LOC128462377: variants seen among roughly 807,000 people sequenced by gnomAD.
the LOC128462377 span, among the ~76,000 whole-genome samples, chr16:89,363,924 T>A: frequency 8.5e-5 from 13 of 152,190 alleles, no homozygotes; most frequent in East Asian, 2.5e-3. Context: ...CCAGGTATGA[T>A]GGCATACATG....
chr16:89,370,072 AC>A, the LOC128462377 span, among the ~76,000 whole-genome samples: 1 of 152,200 alleles, frequency 6.6e-6, no homozygotes, highest in Admixed American at 6.5e-5. Flanking sequence ...CAGAGCTCTC[AC>A]TGAGGAAGAA....
At chr16:89,366,291 C>T in the LOC128462377 span, among the ~76,000 whole-genome samples, 1 of 152,138 alleles carries the variant, frequency 6.6e-6, no homozygotes, top group Non-Finnish European at 1.5e-5. Context: ...AATGGACATT[C>T]GCCCGCATGT....
the LOC128462377 span, among the ~76,000 whole-genome samples, chr16:89,384,246 C>G: frequency 1.3e-5 from 2 of 152,098 alleles, no homozygotes; most frequent in Non-Finnish European, 2.9e-5. Flanking sequence ...AAACATTTCT[C>G]AAGGCTGGGC....
chr16:89,406,900 C>T, the LOC128462377 span, among the ~76,000 whole-genome samples: 1 of 152,152 alleles, frequency 6.6e-6, no homozygotes, highest in Non-Finnish European at 1.5e-5. Context: ...AACATCAGGC[C>T]GGACGTGGTG....
chr16:89,337,429 C>CTTTTTTTTTTTTTTTTTT, the LOC128462377 span, among the ~76,000 whole-genome samples: 8 of 53,134 alleles, frequency 1.5e-4, 2 homozygotes, highest in Non-Finnish European at 2.5e-4. Context: ...CTAAGCAATT[C>CTTTTTTTTTTTTTTTTTT]TTTTTTTTTT....
chr16:89,347,762 C>A, the LOC128462377 span, among the ~76,000 whole-genome samples: 1 of 152,170 alleles, frequency 6.6e-6, no homozygotes, highest in South Asian at 2.1e-4. Flanking sequence ...AAAGAGATGA[C>A]CACAAACATC....
chr16:89,375,232 A>G, the LOC128462377 span, among the ~76,000 whole-genome samples: 12 of 152,242 alleles, frequency 7.9e-5, no homozygotes, highest in South Asian at 1.4e-3. Context: ...ACCGTGTGAC[A>G]CTAATCGTCT....
At chr16:89,349,266 C>T in the LOC128462377 span, among the ~76,000 whole-genome samples, 4 of 151,364 alleles carry the variant, frequency 2.6e-5, no homozygotes, top group African/African-American at 2.4e-5. Flanking sequence ...CAGTGGCTCA[C>T]GCCTGTAATC....
At chr16:89,319,859 G>C in the LOC128462377 span, 1 of 152,558 alleles carries the variant, frequency 6.6e-6, no homozygotes, top group Non-Finnish European at 1.5e-5. Context: ...CTTTTGTTCT[G>C]TTCCAAGACT....
chr16:89,390,079 C>T, the LOC128462377 span, among the ~76,000 whole-genome samples: 3 of 57,230 alleles, frequency 5.2e-5, 1 homozygote, highest in African/African-American at 4.3e-4. Context: ...CCGAGTGTGG[C>T]GGGGAGCACA....
chr16:89,321,527 T>C, the LOC128462377 span, among the ~76,000 whole-genome samples: 2 of 151,954 alleles, frequency 1.3e-5, no homozygotes, highest in Non-Finnish European at 2.9e-5. Context: ...GGAGCACTCC[T>C]TGCCAGAGGC....
the LOC128462377 span, among the ~76,000 whole-genome samples, chr16:89,389,484 A>G: frequency 6.6e-6 from 1 of 152,232 alleles, no homozygotes; most frequent in Admixed American, 6.5e-5. Context: ...AGATGGAGAC[A>G]TGAAATCGTG....
the LOC128462377 span, among the ~76,000 whole-genome samples, chr16:89,339,556 A>C: frequency 6.6e-6 from 1 of 152,216 alleles, no homozygotes; most frequent in East Asian, 1.9e-4. Flanking sequence ...CCCTCAATTT[A>C]TTTAGAATGG....
chr16:89,381,354 A>AGG, the LOC128462377 span, among the ~76,000 whole-genome samples: 4 of 125,332 alleles, frequency 3.2e-5, no homozygotes, highest in African/African-American at 9.9e-5. Flanking sequence ...AAAAAAAAAA[A>AGG]GGGGTGAGAA....
At chr16:89,369,607 G>A in the LOC128462377 span, among the ~76,000 whole-genome samples, 22 of 152,206 alleles carry the variant, frequency 1.4e-4, no homozygotes, top group Admixed American at 7.8e-4. Context: ...GAGGATCCTG[G>A]AAAGGGAGGG....
chr16:89,362,941 C>G, the LOC128462377 span, among the ~76,000 whole-genome samples: 2 of 151,906 alleles, frequency 1.3e-5, no homozygotes, highest in South Asian at 4.1e-4. Flanking sequence ...CAATGGAAAC[C>G]GGACACAGCA....
chr16:89,365,087 C>T, the LOC128462377 span, among the ~76,000 whole-genome samples: 1 of 152,112 alleles, frequency 6.6e-6, no homozygotes, highest in Non-Finnish European at 1.5e-5. Flanking sequence ...AATAAAATGG[C>T]CTCAAAAGTG....
At chr16:89,353,247 C>A in the LOC128462377 span, among the ~76,000 whole-genome samples, 1 of 151,588 alleles carries the variant, frequency 6.6e-6, no homozygotes, top group Non-Finnish European at 1.5e-5. Flanking sequence ...GAGGCTGAGG[C>A]AGGAGAATTG....
At chr16:89,380,238 G>A in the LOC128462377 span, among the ~76,000 whole-genome samples, 387 of 152,130 alleles carry the variant, frequency 2.5e-3, 3 homozygotes, top group African/African-American at 8.6e-3. Flanking sequence ...TCTGCCCCCC[G>A]AGTAGTTGGT....
Sources: allele counts gnomAD v4.1 joint callset (sites outside exome capture counted in the v4.1 genomes callset), GRCh38; gene constraint gnomAD v4.1.1; transcripts MANE v1.5.